Variants in SEMA6D observed in about 807,000 individuals in gnomAD.
SEMA6D encodes semaphorin 6D.
A neutral mutation model predicts 106.6 loss-of-function variants in SEMA6D; 35 were observed. That is an observed-to-expected ratio of 0.33 (90% CI 0.25 to 0.44). The LOEUF (loss-of-function observed/expected upper bound fraction) is 0.44, where lower values mean the gene tolerates loss of function less well. Ranked by LOEUF, SEMA6D falls within the 20% of genes least tolerant of loss-of-function variation. SEMA6D has a pLI of 1.00. For synonymous variants in SEMA6D, 499 were observed against 487.7 expected, an observed-to-expected ratio of 1.02 and a Z score of -0.31; for missense variants, 1,185 against 1,345.9, an observed-to-expected ratio of 0.88 and a Z score of 1.87.
intron 2 of SEMA6D, among the ~76,000 whole-genome samples, chr15:47,417,046 C>G (rs2040992094): frequency 6.6e-6 from 1 of 151,890 alleles, no homozygotes; most frequent in Admixed American, 6.6e-5. Context: ...AGATTGAGAG[C>G]CTCTGATAAA....
Position 47,428,444 on chromosome 15 carries a change from GTATT to G in SEMA6D, c.-159+15975_-159+15978del, listed in dbSNP as rs2041419778. Among the ~76,000 whole-genome samples, 2 of 34,020 alleles carry G rather than the reference GTATT, an allele frequency of 5.9e-5. 1 individual carries two copies. The highest frequency in any genetic ancestry group is 1.8e-4 in the African/African-American group (2 of 11,112). The allele number at this position is 34,020 out of a possible 152,430, so 22.3% of individuals were successfully genotyped here. A position where few individuals can be genotyped will look rare whatever the true frequency, so the allele number is the denominator to read the frequency against. Reference sequence around the variant, plus strand: ...GTTCTAAGGATGGAGAGGTAAAAAAGTATTTAGGCGCAGATCTACCCTTAAAAGT... The same window carrying G: ...GTTCTAAGGATGGAGAGGTAAAAAAGTAGGCGCAGATCTACCCTTAAAAGT... On this transcript the variant is annotated intron_variant, in intron 2 of 19. Coordinates refer to the SEMA6D transcript ENST00000558014.
At chr15:47,684,462 A>G (rs1182490755) in intron 4 of SEMA6D, among the ~76,000 whole-genome samples, 3 of 152,120 alleles carry the variant, frequency 2.0e-5, no homozygotes, top group Admixed American at 1.3e-4. Flanking sequence ...AAAGGTTGAG[A>G]TAGGAACTAT....
chr15:47,327,103 C>T (rs17287495), intron 1 of SEMA6D, among the ~76,000 whole-genome samples: 1,697 of 152,180 alleles, frequency 0.011, 14 homozygotes, highest in Non-Finnish European at 0.014. Context: ...GTGTGGATAC[C>T]CTGCTCAGGC....
intron 1 of SEMA6D, among the ~76,000 whole-genome samples, chr15:47,371,517 G>A (rs2039271801): frequency 6.6e-6 from 1 of 152,116 alleles, no homozygotes; most frequent in Non-Finnish European, 1.5e-5. Context: ...TCTTTTAAAA[G>A]TGGTGCAAAT....
chr15:47,193,301 G>A (rs1894094837), intron 1 of SEMA6D, among the ~76,000 whole-genome samples: 2 of 152,076 alleles, frequency 1.3e-5, no homozygotes, highest in African/African-American at 4.8e-5. Context: ...TACAAAATAC[G>A]AAATGCTCCA....
At chr15:47,390,058 C>T (rs984079181) in intron 1 of SEMA6D, among the ~76,000 whole-genome samples, 4 of 152,012 alleles carry the variant, frequency 2.6e-5, no homozygotes, top group Non-Finnish European at 5.9e-5. Context: ...TAATACTGAC[C>T]GACAAACTAC....
chr15:47,495,632 T>G (rs1424275533), intron 3 of SEMA6D, among the ~76,000 whole-genome samples: 2 of 152,090 alleles, frequency 1.3e-5, no homozygotes, highest in Non-Finnish European at 2.9e-5. Flanking sequence ...TGTGGGGTGG[T>G]ACTTTCAACT....
At chr15:47,391,270 C>G (rs1410644560) in intron 1 of SEMA6D, among the ~76,000 whole-genome samples, 1 of 152,164 alleles carries the variant, frequency 6.6e-6, no homozygotes, top group Non-Finnish European at 1.5e-5. Flanking sequence ...AGAGCTATGG[C>G]CAAAGCCAGG....
At chr15:47,256,908 T>A (rs1410658578) in intron 1 of SEMA6D, among the ~76,000 whole-genome samples, 1 of 152,156 alleles carries the variant, frequency 6.6e-6, no homozygotes, top group Non-Finnish European at 1.5e-5. Context: ...TATATATTTA[T>A]TTGAAGTTTC....
At chr15:47,759,226 A>G (rs1295152294) in intron 1 of SEMA6D, among the ~76,000 whole-genome samples, 3 of 152,154 alleles carry the variant, frequency 2.0e-5, no homozygotes, top group Non-Finnish European at 2.9e-5. Context: ...TTTGGGGCTA[A>G]TACTTGGGTA....
intron 2 of SEMA6D, among the ~76,000 whole-genome samples, chr15:47,468,713 C>A (rs1254553070): frequency 6.6e-6 from 1 of 152,120 alleles, no homozygotes; most frequent in Non-Finnish European, 1.5e-5. Context: ...TTATCTTCTA[C>A]AGAAAAGATC....
intron 1 of SEMA6D, among the ~76,000 whole-genome samples, chr15:47,746,088 AC>A (rs1270453636): frequency 3.9e-5 from 6 of 152,226 alleles, no homozygotes; most frequent in African/African-American, 1.4e-4. Context: ...GAAGGCAAAT[AC>A]TAATACAAAG....
chr15:47,273,083 TA>T (rs1314327749), intron 1 of SEMA6D, among the ~76,000 whole-genome samples: 1 of 152,188 alleles, frequency 6.6e-6, no homozygotes, highest in Non-Finnish European at 1.5e-5. Flanking sequence ...AAGTTTATTC[TA>T]TTTGTGCTAT....
At chr15:47,665,524 AT>A (rs2078008855) in intron 4 of SEMA6D, among the ~76,000 whole-genome samples, 1 of 152,180 alleles carries the variant, frequency 6.6e-6, no homozygotes, top group Admixed American at 6.5e-5. Flanking sequence ...TTTAAGAAAT[AT>A]TTATCCAGGC....
Position 47,603,943 on chromosome 15 carries a change from C to T in SEMA6D, c.-55+3047C>T, listed in dbSNP as rs114769818. 3 of 152,084 alleles carry T rather than the reference C, an allele frequency of 2.0e-5. No individual in the cohort carries two copies. The East Asian group carries it at 5.8e-4, about 29-fold the overall frequency. The allele number at this position is 152,084 out of a possible 1,614,324, so 9.4% of individuals were successfully genotyped here. A position where few individuals can be genotyped will look rare whatever the true frequency, so the allele number is the denominator to read the frequency against. ...GACCCCCTGAGATGGAGTGATGTGT[C>T]GAGGCATTGCATTGTGTTTATACCC... On this transcript the variant is annotated intron_variant, in intron 4 of 19. Coordinates refer to the SEMA6D transcript ENST00000558014.
rs76133219 is a variant in SEMA6D, at chr15:47,353,484, C to T, written c.-238-58909C>T. Among the ~76,000 whole-genome samples, 950 of 152,274 alleles carry T rather than the reference C, an allele frequency of 6.2e-3. 5 individuals carry two copies. Among genetic ancestry groups the T allele is most frequent in the East Asian group, 0.039 (202 of 5,184 alleles). On this transcript the variant is annotated intron_variant, in intron 1 of 19. Coordinates refer to the SEMA6D transcript ENST00000558014. ...TCTACCTGGATACCTTTCCACATGC[C>T]GTTCCATTGGGAATGTGTCAACTAA...
intron 4 of SEMA6D, among the ~76,000 whole-genome samples, chr15:47,650,378 G>T (rs1485680707): frequency 6.6e-6 from 1 of 152,132 alleles, no homozygotes; most frequent in African/African-American, 2.4e-5. Context: ...ATAACTATGT[G>T]GGAACTCACA....
intron 3 of SEMA6D, among the ~76,000 whole-genome samples, chr15:47,593,056 C>T (rs12324705): frequency 0.17 from 26,287 of 152,112 alleles, 2,632 homozygotes; most frequent in African/African-American, 0.25. Context: ...GTCCTTGACT[C>T]TAACTTGGTC....
intron 4 of SEMA6D, among the ~76,000 whole-genome samples, chr15:47,701,936 T>C (rs2078820945): frequency 6.6e-6 from 1 of 152,200 alleles, no homozygotes; most frequent in Non-Finnish European, 1.5e-5. Flanking sequence ...TCTGAACTGT[T>C]AGTTTGCTGG....
Sources: allele counts gnomAD v4.1 joint callset (sites outside exome capture counted in the v4.1 genomes callset), GRCh38; gene constraint gnomAD v4.1.1; transcripts MANE v1.5; gene names NCBI Gene and HGNC (gene_info 2026-07-23, HGNC 2026-07-21).